PAPPA2: variants seen among roughly 807,000 people sequenced by gnomAD.
The protein encoded by PAPPA2 is pappalysin 2, also known as pappalysin-2.
Under a neutral mutation model 176.4 loss-of-function variants are expected in PAPPA2, and 86 were observed. That is an observed-to-expected ratio of 0.49 (90% CI 0.41 to 0.58). The LOEUF (loss-of-function observed/expected upper bound fraction) is 0.58. Among genes scored for constraint, PAPPA2 ranks in the 20% least tolerant of loss-of-function variants. The pLI, the probability that PAPPA2 is intolerant of heterozygous loss-of-function variation, is 0.00. For synonymous variants in PAPPA2, 809 were observed against 852.2 expected (o/e 0.95, Z 0.88); for missense variants, 2,073 against 2,256.9 (o/e 0.92, Z 1.65).
intron 21 of PAPPA2, among the ~76,000 whole-genome samples, chr1:176,816,417 G>C (rs1666407700): frequency 6.7e-6 from 1 of 149,382 alleles, no homozygotes; most frequent in Non-Finnish European, 1.5e-5. Flanking sequence ...ACACACTCCT[G>C]CACTTTTGCC....
chr1:176,665,804 C>T (rs566396207), intron 3 of PAPPA2, among the ~76,000 whole-genome samples: 1 of 152,266 alleles, frequency 6.6e-6, no homozygotes, highest in South Asian at 2.1e-4. Flanking sequence ...CCAGCTGGAA[C>T]ATTATTTCAG....
intron 6 of PAPPA2, among the ~76,000 whole-genome samples, chr1:176,692,682 G>A (rs1011876343): frequency 5.9e-5 from 9 of 152,254 alleles, no homozygotes; most frequent in East Asian, 2.0e-4. Flanking sequence ...TGGTGTTGGG[G>A]GAGGGATTAC....
intron 4 of PAPPA2, among the ~76,000 whole-genome samples, chr1:176,685,669 C>A (rs1033188921): frequency 6.6e-6 from 1 of 152,212 alleles, no homozygotes; most frequent in African/African-American, 2.4e-5. Context: ...CACAGTCCCT[C>A]CGGCCCCCTC....
chr1:176,651,545 C>T (rs1286016721), intron 3 of PAPPA2, among the ~76,000 whole-genome samples: 1 of 151,614 alleles, frequency 6.6e-6, no homozygotes, highest in Non-Finnish European at 1.5e-5. Context: ...AGAATCCTTT[C>T]TTTGTCTTTG....
intron 3 of PAPPA2, among the ~76,000 whole-genome samples, chr1:176,597,272 A>G (rs750899461): frequency 6.6e-6 from 1 of 152,230 alleles, no homozygotes; most frequent in Non-Finnish European, 1.5e-5. Context: ...AATACCTTGC[A>G]TTATCAGTAT....
chr1:176,603,918 C>T (rs1371491659), intron 3 of PAPPA2, among the ~76,000 whole-genome samples: 1 of 152,168 alleles, frequency 6.6e-6, no homozygotes, highest in Non-Finnish European at 1.5e-5. Context: ...AGCAGCTTAC[C>T]AGCTTATTCA....
At chr1:176,491,586 A>G (rs988985555) in intron 1 of PAPPA2, among the ~76,000 whole-genome samples, 13 of 152,208 alleles carry the variant, frequency 8.5e-5, no homozygotes, top group African/African-American at 3.1e-4. Flanking sequence ...GTGAAAGGTG[A>G]TCATTGTCAA....
intron 17 of PAPPA2, among the ~76,000 whole-genome samples, chr1:176,779,749 A>G (rs1181588272): frequency 1.3e-5 from 2 of 152,132 alleles, no homozygotes; most frequent in East Asian, 1.9e-4. Context: ...ATTTTTTTAA[A>G]GTTAGAGATT....
intron 14 of PAPPA2, among the ~76,000 whole-genome samples, chr1:176,760,504 C>T (rs972159212): frequency 6.6e-6 from 1 of 152,058 alleles, no homozygotes; most frequent in African/African-American, 2.4e-5. Context: ...CACTGCAGGC[C>T]TATGGAATCA....
intron 1 of PAPPA2, among the ~76,000 whole-genome samples, chr1:176,542,243 A>G (rs886671097): frequency 2.0e-5 from 3 of 152,216 alleles, no homozygotes; most frequent in African/African-American, 7.2e-5. Context: ...TGAGACTGAC[A>G]AGATTGAGTG....
chr1:176,582,916 A>G (rs530890818), intron 2 of PAPPA2, among the ~76,000 whole-genome samples: 2 of 152,290 alleles, frequency 1.3e-5, no homozygotes, highest in Admixed American at 1.3e-4. Context: ...TAAATCACCA[A>G]TTCAGTCTTG....
chr1:176,655,950 C>T (rs1401232845), intron 3 of PAPPA2, among the ~76,000 whole-genome samples: 1 of 151,804 alleles, frequency 6.6e-6, no homozygotes, highest in Non-Finnish European at 1.5e-5. Flanking sequence ...CAGAAAACAT[C>T]CCTTCCATCA....
chr1:176,712,429 A>G (rs1661189345), intron 12 of PAPPA2, among the ~76,000 whole-genome samples: 1 of 152,062 alleles, frequency 6.6e-6, no homozygotes, highest in South Asian at 2.1e-4. Flanking sequence ...TTATAGGAAA[A>G]CACTTTACAG....
chr1:176,747,470 G>C (rs1662963245), intron 14 of PAPPA2, among the ~76,000 whole-genome samples: 1 of 151,960 alleles, frequency 6.6e-6, no homozygotes, highest in Non-Finnish European at 1.5e-5. Flanking sequence ...GAGAAGTTTT[G>C]ACCCAGCTCC....
intron 14 of PAPPA2, among the ~76,000 whole-genome samples, chr1:176,749,240 G>T (rs369018578): frequency 2.6e-5 from 4 of 152,250 alleles, no homozygotes; most frequent in East Asian, 3.9e-4. Flanking sequence ...ATGTTTAAGT[G>T]GTTGTGCCAT....
intron 4 of PAPPA2, among the ~76,000 whole-genome samples, chr1:176,675,912 T>C (rs978707014): frequency 6.6e-6 from 1 of 152,020 alleles, no homozygotes; most frequent in Non-Finnish European, 1.5e-5. Context: ...CAGTTAGAAA[T>C]AGGCAAAGGC....
chr1:176,701,001 TA>T (rs1226868781), intron 8 of PAPPA2, among the ~76,000 whole-genome samples: 2 of 151,926 alleles, frequency 1.3e-5, no homozygotes, highest in African/African-American at 4.8e-5. Context: ...ACTTCTTAAA[TA>T]AGGCAGTTAA....
chr1:176,547,690 C>T (rs868125088), intron 1 of PAPPA2, among the ~76,000 whole-genome samples: 11 of 152,240 alleles, frequency 7.2e-5, no homozygotes, highest in Middle Eastern at 6.8e-3. Flanking sequence ...GTCTGTCTTA[C>T]GCATTGGAAG....
intron 2 of PAPPA2, among the ~76,000 whole-genome samples, chr1:176,566,387 C>A (rs1231240940): frequency 2.0e-5 from 3 of 152,196 alleles, no homozygotes; most frequent in African/African-American, 4.8e-5. Flanking sequence ...CTGTTACTGC[C>A]TTTCCTCTCC....
Sources: allele counts gnomAD v4.1 joint callset (sites outside exome capture counted in the v4.1 genomes callset), GRCh38; gene constraint gnomAD v4.1.1; transcripts MANE v1.5; gene names NCBI Gene and HGNC (gene_info 2026-07-23, HGNC 2026-07-21).